CRELD1: variants seen among roughly 807,000 people sequenced by gnomAD.
The protein encoded by CRELD1 is CRELD disulfide isomerase 1, also known as protein disulfide isomerase CRELD1.
In CRELD1, 42 loss-of-function variants were observed where a neutral mutation model predicts 58.2. The observed-to-expected ratio is 0.72, with a 90% CI of 0.56 to 0.93. The LOEUF is 0.93. Ranked by LOEUF, CRELD1 falls within the 40% of genes least tolerant of loss-of-function variation. CRELD1 has a pLI of 0.00. For missense variants in CRELD1, 500 were observed against 540.6 expected (o/e 0.92, Z 0.74); for synonymous variants, 222 against 202.0 (o/e 1.10, Z -0.84).
Position 9,939,401 on chromosome 3 carries a change from A to G in CRELD1, c.460+1295A>G, listed in dbSNP as rs373380904. Among the ~76,000 whole-genome samples, 11 of 152,198 alleles carry G rather than the reference A, an allele frequency of 7.2e-5. 1 individual carries two copies. In the East Asian group the frequency reaches 9.7e-4, roughly 13 times the overall value. On this transcript the variant is annotated intron_variant, in intron 5 of 10. Coordinates refer to ENST00000452070, the MANE Select transcript of CRELD1 (RefSeq NM_001077415.3). ...CCAGAGGGGGATTTGGCAGGGTCAT[A>G]GGACAATAGTGGAGGGAAGGTCAGC...
In CRELD1 at chr3:9,934,558, G is replaced by A. The variant is rs766545476; in HGVS notation, c.120G>A (p.Pro40=). ...QPSPPPQSSP[P]PQPHPCHTCR... Reference sequence around the variant, plus strand: ...CTCCACCTCCCCAGTCTTCTCCCCCGCCTCAGCCCCATCCGTGTCATACCT... The same window carrying A: ...CTCCACCTCCCCAGTCTTCTCCCCCACCTCAGCCCCATCCGTGTCATACCT... The change falls in exon 2 of 11, where the codon CCG becomes CCA. Residue 40 remains proline (P), a synonymous_variant. Transcript: ENST00000452070. 58 of 1,613,784 alleles carry A rather than the reference G, an allele frequency of 3.6e-5. No homozygotes were observed. Among genetic ancestry groups the A allele is most frequent in the Non-Finnish European group, 4.7e-5 (55 of 1,179,960 alleles).
intron 3 of CRELD1, 107 bp downstream of exon 3, chr3:9,935,024 T>A: frequency 1.1e-6 from 1 of 918,106 alleles, no homozygotes; most frequent in Non-Finnish European, 1.7e-6. Flanking sequence ...ATTCAACAAA[T>A]AGCACTGAAC....
Position 9,940,677 on chromosome 3 carries a change from ACCATGGGGAGAGGGAGAGGGAGG to A in CRELD1, c.461-151_461-129del, listed in dbSNP as rs1211812420. Among the ~76,000 whole-genome samples the A allele has an allele frequency of 1.8e-3, 235 of 130,932 alleles. 2 individuals are homozygous for A. The highest frequency in any genetic ancestry group is 0.018 in the South Asian group (60 of 3,354). The allele number at this position is 130,932 out of a possible 152,430, so 85.9% of individuals were successfully genotyped here. A position where few individuals can be genotyped will look rare whatever the true frequency, so the allele number is the denominator to read the frequency against. ...ACCGTGTAAAGAGAGGGAGAGGGAG[ACCATGGGGAGAGGGAGAGGGAGG>A]CCATGGGGAGAGGGAGAGGGAAAGG... On this transcript the variant is annotated intron_variant, in intron 5 of 10. Transcript: ENST00000452070.
At chr3:9,943,772 A>T (rs1575652672) in intron 10 of CRELD1, 4 of 1,602,706 alleles carry the variant, frequency 2.5e-6, no homozygotes, top group Non-Finnish European at 3.4e-6. Flanking sequence ...CATCTATCCA[A>T]TGGGACCAGT....
intron 5 of CRELD1, chr3:9,938,595 C>T (rs2085260082): frequency 6.0e-6 from 1 of 167,138 alleles, no homozygotes; most frequent in Admixed American, 6.0e-5. Flanking sequence ...CGCGGTGGCT[C>T]ACACCTGTAA....
rs200888467 is a variant in CRELD1, at chr3:9,934,422, C to T, written c.-17C>T. 5 of 1,612,626 alleles carry T rather than the reference C, an allele frequency of 3.1e-6. No individual in the cohort carries two copies. The highest frequency in any genetic ancestry group is 4.5e-5 in the East Asian group (2 of 44,870). On this transcript the variant is annotated splice_region_variant and 5_prime_UTR_variant, in exon 2 of 11. Coordinates refer to ENST00000452070, the MANE Select transcript of CRELD1 (RefSeq NM_001077415.3). ...CTCTCCACGCCCTCTATCTGCAGGTCCCCAGCCTGGGTAAAGATGGCCCCA... is the reference window on the plus strand; with the variant it reads ...CTCTCCACGCCCTCTATCTGCAGGTTCCCAGCCTGGGTAAAGATGGCCCCA...
chr3:9,943,648 A>C (rs1235914447), intron 10 of CRELD1, 133 bp downstream of exon 10: 2 of 1,571,006 alleles, frequency 1.3e-6, no homozygotes, highest in Non-Finnish European at 1.7e-6. Flanking sequence ...GGCTGCACTG[A>C]GACCGGGCTC....
rs773417792 is a variant in CRELD1 at position 9,942,874 on chromosome 3, T to TG, written c.796dup (p.Glu266GlyfsTer5). The TG allele has an allele frequency of 6.6e-5, 107 of 1,614,016 alleles. No individual in the cohort carries two copies. The highest frequency in any genetic ancestry group is 8.5e-5 in the Non-Finnish European group (100 of 1,179,964). On this transcript the variant is annotated frameshift_variant, in exon 8 of 11. Coordinates refer to ENST00000452070, the MANE Select transcript of CRELD1 (RefSeq NM_001077415.3). LOFTEE classifies it high-confidence loss of function. ...GAGCTGACCAATTCTGCGTGAACAC[T>TG]GAGGGCTCCTATGAGTGCCGAGGTC... is the stretch of plus-strand genomic sequence containing the variant.
intron 7 of CRELD1, among the ~76,000 whole-genome samples, chr3:9,941,651 G>T (rs978239078): frequency 2.0e-5 from 3 of 151,850 alleles, no homozygotes; most frequent in Admixed American, 1.3e-4. Context: ...TTAGCTGGGC[G>T]TGGTGGCGGG....
intron 5 of CRELD1, chr3:9,938,411 G>A (rs894444660): frequency 2.6e-6 from 1 of 381,512 alleles, no homozygotes; most frequent in Non-Finnish European, 4.9e-6. Flanking sequence ...CCTGGGGAGG[G>A]GCGGGTGCTG....
chr3:9,938,189 T>A, intron 5 of CRELD1, 83 bp downstream of exon 5: 1 of 1,092,834 alleles, frequency 9.2e-7, no homozygotes. Context: ...TAGTTCGCTG[T>A]GTGAACTCAG....
Position 9,943,132 on chromosome 3 carries a change from G to A in CRELD1, c.873G>A (p.Lys291=), listed in dbSNP as rs996611527. 1 of 1,613,722 alleles carries A rather than the reference G, an allele frequency of 6.2e-7. No homozygotes were observed. The highest frequency in any genetic ancestry group is 1.7e-5 in the Admixed American group (1 of 60,016). The change falls in exon 9 of 11, where the codon AAG becomes AAA. Residue 291 remains lysine (K), a synonymous_variant. Coordinates refer to ENST00000452070, the MANE Select transcript of CRELD1 (RefSeq NM_001077415.3). ...CMGAGPGRCK[K]CSPGYQQVGS... is the part of the protein sequence containing the mutation. Reference sequence around the variant, plus strand: ...GGGCAGGGCCAGGTCGCTGTAAGAAGTGTAGCCCTGGCTATCAGCAGGTGG... The same window carrying A: ...GGGCAGGGCCAGGTCGCTGTAAGAAATGTAGCCCTGGCTATCAGCAGGTGG...
intron 1 of CRELD1, 112 bp from the exon 2 acceptor site, chr3:9,934,308 T>C: frequency 1.2e-6 from 1 of 852,564 alleles, no homozygotes; most frequent in Non-Finnish European, 2.0e-6. Context: ...TTGGCCTCTT[T>C]TGCTTGTAAT....
chr3:9,934,255 G>A (rs986200889), intron 1 of CRELD1, 165 bp from the exon 2 acceptor site: 25 of 618,938 alleles, frequency 4.0e-5, no homozygotes, highest in Admixed American at 8.3e-5. Context: ...TGCATCTTAT[G>A]CGCCTTTCCC....
intron 3 of CRELD1, 85 bp from the exon 4 acceptor site, chr3:9,937,472 TCACCG>T (rs1182124043): frequency 1.2e-6 from 1 of 863,422 alleles, no homozygotes; most frequent in African/African-American, 1.6e-5. Context: ...TTTGATATTT[TCACCG>T]CACGAGGAAG....
In CRELD1 at chr3:9,940,964, G is replaced by A. The variant is rs201866563; in HGVS notation, c.575G>A (p.Cys192Tyr). Residue 192 changes from cysteine (C) to tyrosine (Y), a missense_variant, in exon 6 of 11, where the codon TGT (cysteine) becomes TAT (tyrosine). Coordinates refer to ENST00000452070, the MANE Select transcript of CRELD1 (RefSeq NM_001077415.3). The stretch of plus-strand genomic sequence containing the variant: ...CAAGCCGGCTACGGGGGTGAGGCCT[G>A]TGGCCAGTGTGGCCTTGGCTACTTT... ...DCQAGYGGEA[C>Y]GQCGLGYFEA... 3.2e-4 allele frequency: 522 copies of A among 1,614,058 alleles called. No individual in the cohort carries two copies. Among genetic ancestry groups the A allele is most frequent in the Non-Finnish European group, 4.2e-4 (499 of 1,180,040 alleles).
At chr3:9,934,987 C>T in intron 3 of CRELD1, 70 bp downstream of exon 3, 2 of 1,306,722 alleles carry the variant, frequency 1.5e-6, no homozygotes, top group Non-Finnish European at 1.1e-6. Context: ...TGGTGTAGGG[C>T]TAGGAACTCT....
chr3:9,934,359 T>G, intron 1 of CRELD1, 61 bp from the exon 2 acceptor site: 1 of 1,366,706 alleles, frequency 7.3e-7, no homozygotes, highest in Admixed American at 1.7e-5. Flanking sequence ...AACAGACCTT[T>G]TTCTTTCTCG....
rs1575656073 is a variant in CRELD1, at chr3:9,945,061, C to T, written c.*482C>T. 1 of 195,942 alleles carries T rather than the reference C, an allele frequency of 5.1e-6. No individual in the cohort carries two copies. The highest frequency in any genetic ancestry group is 1.2e-4 in the East Asian group (1 of 8,396). 12.1% of individuals were successfully genotyped at this position (195,942 alleles called of 1,614,324 possible). A position where few individuals can be genotyped will look rare whatever the true frequency, so the allele number is the denominator to read the frequency against. ...ATCAGTCTTACTACCTGTCCCACCACCCCCACCTTAGGGAAATGTCCTAGA... is the reference window on the plus strand; with the variant it reads ...ATCAGTCTTACTACCTGTCCCACCATCCCCACCTTAGGGAAATGTCCTAGA... On this transcript the variant is annotated 3_prime_UTR_variant, in exon 11 of 11. Transcript: ENST00000452070.
Sources: allele counts gnomAD v4.1 joint callset (sites outside exome capture counted in the v4.1 genomes callset), GRCh38; gene constraint gnomAD v4.1.1; transcripts MANE v1.5; gene names NCBI Gene and HGNC (gene_info 2026-07-23, HGNC 2026-07-21).